Variants in ZNF292 observed in about 807,000 individuals in gnomAD.
ZNF292 encodes the protein 16 zinc-finger domain protein.
A neutral mutation model predicts 217.9 loss-of-function variants in ZNF292; 26 were observed. The ratio of observed to expected loss-of-function variants is 0.12; its 90% CI spans 0.09 to 0.17. The LOEUF (loss-of-function observed/expected upper bound fraction) is 0.17, where lower values mean the gene tolerates loss of function less well. Among genes scored for constraint, ZNF292 ranks in the 10% least tolerant of loss-of-function variants. ZNF292 has a pLI of 1.00. For missense variants in ZNF292, 2,904 were observed against 3,175.2 expected (o/e 0.91, Z 2.05); for synonymous variants, 1,257 against 1,124.1 (o/e 1.12, Z -2.37).
chr6:87,168,565 G>T (rs1770989750), intron 1 of ZNF292, among the ~76,000 whole-genome samples: 1 of 152,120 alleles, frequency 6.6e-6, no homozygotes, highest in African/African-American at 2.4e-5. Context: ...TGCCTCCTGG[G>T]TTCAAGTGAT....
intron 1 of ZNF292, among the ~76,000 whole-genome samples, chr6:87,161,621 G>GAT (rs557927310): frequency 5.4e-4 from 82 of 152,236 alleles, no homozygotes; most frequent in Non-Finnish European, 1.0e-3. Context: ...TCCCTACATT[G>GAT]CCCAGGTTGG....
chr6:87,208,298 T>C (rs1050266395), intron 1 of ZNF292, among the ~76,000 whole-genome samples: 1 of 152,162 alleles, frequency 6.6e-6, no homozygotes, highest in Non-Finnish European at 1.5e-5. Context: ...AAATTCATGT[T>C]CTTAGGTTCT....
intron 5 of ZNF292, among the ~76,000 whole-genome samples, chr6:87,240,155 G>A (rs1386445273): frequency 6.6e-6 from 1 of 152,210 alleles, no homozygotes; most frequent in Non-Finnish European, 1.5e-5. Flanking sequence ...CTGGAGACCA[G>A]CCCGGCCAAC....
At chr6:87,192,342 T>A (rs1369742549) in intron 1 of ZNF292, among the ~76,000 whole-genome samples, 1 of 151,614 alleles carries the variant, frequency 6.6e-6, no homozygotes, top group Admixed American at 6.6e-5. Flanking sequence ...TAAATCTAGA[T>A]GCACTTTTTA....
Position 87,218,604 on chromosome 6 carries a change from T to C in ZNF292, c.411T>C (p.His137=), listed in dbSNP as rs773545788. The C allele has an allele frequency of 2.6e-6, 4 of 1,546,482 alleles. No homozygotes were observed. In the Admixed American group the frequency reaches 6.4e-5, roughly 25 times the overall value. The change falls in exon 4 of 8, where the codon CAT becomes CAC. Residue 137 remains histidine, a synonymous_variant. Transcript: ENST00000369577. ...TTATTTAATATTTATAGGTAGCTCA[T>C]GAAAAGCTGATGGAGAATGGCAGCT... ...EQFQTLVQVA[H]EKLMENGSCE... is the part of the protein sequence containing the mutation.
At chr6:87,239,463 ATGGGGCGGC>A (rs1774105214) in intron 5 of ZNF292, among the ~76,000 whole-genome samples, 2 of 143,970 alleles carry the variant, frequency 1.4e-5, no homozygotes, top group South Asian at 2.2e-4. Flanking sequence ...TACCTCCCGG[ATGGGGCGGC>A]TGGCCGGGCG....
intron 4 of ZNF292, among the ~76,000 whole-genome samples, chr6:87,224,574 T>C (rs552045415): frequency 1.3e-5 from 2 of 152,334 alleles, no homozygotes; most frequent in African/African-American, 4.8e-5. Flanking sequence ...AATTAAAGCT[T>C]TTCATTCAAG....
chr6:87,226,647 C>CTATATATA (rs1228112578), intron 4 of ZNF292, among the ~76,000 whole-genome samples: 1 of 113,202 alleles, frequency 8.8e-6, no homozygotes, highest in Non-Finnish European at 1.7e-5. Flanking sequence ...ATCTATATAT[C>CTATATATA]TATATATATA....
chr6:87,243,382 C>G, intron 5 of ZNF292, 93 bp from the exon 6 acceptor site: 1 of 1,005,008 alleles, frequency 1.0e-6, no homozygotes, highest in Non-Finnish European at 1.3e-6. Flanking sequence ...TTCATAAAAA[C>G]TATCTAAATA....
chr6:87,178,704 C>T (rs528806650), intron 1 of ZNF292, among the ~76,000 whole-genome samples: 6 of 152,240 alleles, frequency 3.9e-5, no homozygotes, highest in African/African-American at 7.2e-5. Flanking sequence ...TGTAAAATAA[C>T]GACCTAGTCA....
chr6:87,261,286 G>T lies in ZNF292; in HGVS notation c.7657G>T (p.Ala2553Ser). Reference protein sequence around the residue: ...KKRKVEKAEPASAAELSSVRK... With the variant: ...KKRKVEKAEPSSAAELSSVRK... Reference sequence around the variant, plus strand: ...AAGGAAAGTTGAAAAAGCTGAACCAGCATCAGCAGCTGAGTTAAGTAGCGT... The same window carrying T: ...AAGGAAAGTTGAAAAAGCTGAACCATCATCAGCAGCTGAGTTAAGTAGCGT... Residue 2553 changes from alanine (A) to serine (S), a missense_variant, in exon 8 of 8, where the codon GCA becomes TCA. This residue lies in a region of ZNF292 where 380 missense variants were observed against 355.3 expected (regional missense o/e 1.07). Coordinates refer to ENST00000369577, the MANE Select transcript of ZNF292 (RefSeq NM_015021.3). 6.2e-7 allele frequency: 1 copy of T among 1,613,138 alleles called. No individual in the cohort carries two copies. Among genetic ancestry groups the T allele is most frequent in the Non-Finnish European group, 8.5e-7 (1 of 1,179,602 alleles).
chr6:87,221,923 C>T (rs184871496), intron 4 of ZNF292, among the ~76,000 whole-genome samples: 80 of 152,124 alleles, frequency 5.3e-4, no homozygotes, highest in Middle Eastern at 3.4e-3. Context: ...GATGACATTA[C>T]GTTTTTGGGC....
At chr6:87,193,470 G>C (rs1301167273) in intron 1 of ZNF292, among the ~76,000 whole-genome samples, 2 of 151,796 alleles carry the variant, frequency 1.3e-5, no homozygotes, top group African/African-American at 2.4e-5. Flanking sequence ...AGCCTGAGAG[G>C]TTGAGGCTGG....
At chr6:87,203,748 G>A (rs1247349997) in intron 1 of ZNF292, among the ~76,000 whole-genome samples, 1 of 151,918 alleles carries the variant, frequency 6.6e-6, no homozygotes, top group African/African-American at 2.4e-5. Context: ...GGGATTTAGG[G>A]CCCAGGTGAG....
At chr6:87,162,146 G>A (rs1041530607) in intron 1 of ZNF292, among the ~76,000 whole-genome samples, 2 of 152,176 alleles carry the variant, frequency 1.3e-5, no homozygotes, top group African/African-American at 4.8e-5. Flanking sequence ...TCAGGCTGGG[G>A]TATCAGGGAA....
At chr6:87,243,224 G>A (rs1405797543) in intron 5 of ZNF292, among the ~76,000 whole-genome samples, 6 of 149,702 alleles carry the variant, frequency 4.0e-5, no homozygotes, top group Admixed American at 4.0e-4. Flanking sequence ...TGGTTCTCCG[G>A]TGTTTCTTAA....
At chr6:87,195,450 A>G (rs981748974) in intron 1 of ZNF292, among the ~76,000 whole-genome samples, 1 of 152,238 alleles carries the variant, frequency 6.6e-6, no homozygotes, top group African/African-American at 2.4e-5. Flanking sequence ...TATCACATAC[A>G]AAATTGTTTT....
intron 1 of ZNF292, among the ~76,000 whole-genome samples, chr6:87,189,460 T>C (rs1407782777): frequency 6.6e-6 from 1 of 152,082 alleles, no homozygotes; most frequent in Non-Finnish European, 1.5e-5. Context: ...TTAATTTTTT[T>C]TTCTGTTCCA....
intron 1 of ZNF292, among the ~76,000 whole-genome samples, chr6:87,192,590 T>C (rs1771849970): frequency 6.6e-6 from 1 of 152,204 alleles, no homozygotes; most frequent in Non-Finnish European, 1.5e-5. Flanking sequence ...TTCCGTAATT[T>C]TTTAAAGATC....
Sources: gnomAD v4.1 joint callset for allele counts (sites outside exome capture counted in the v4.1 genomes callset) on GRCh38, gnomAD v4.1.1 for gene constraint, gnomAD v4.1.1 regional missense constraint, MANE v1.5 for transcripts, NCBI Gene and HGNC (gene_info 2026-07-23, HGNC 2026-07-21) for gene names.